Variants in MAF observed in about 807,000 individuals in gnomAD.
MAF encodes MAF bZIP transcription factor.
Under a neutral mutation model 22.0 loss-of-function variants are expected in MAF, and 10 were observed. The observed-to-expected ratio is 0.45, with a 90% CI of 0.28 to 0.77. The LOEUF is 0.77. MAF is among the 30% of genes least tolerant of loss of function. The pLI is 0.12. For missense variants in MAF, 544 were observed against 548.4 expected (o/e 0.99, Z 0.08); for synonymous variants, 337 against 255.8 (o/e 1.32, Z -3.03).
At chr16:79,263,090 T>C in the MAF span, among the ~76,000 whole-genome samples, 2 of 152,158 alleles carry the variant, frequency 1.3e-5, no homozygotes, top group Non-Finnish European at 2.9e-5. Flanking sequence ...TCATCAACAC[T>C]CTTTTACCAA....
chr16:79,302,058 G>A, the MAF span, among the ~76,000 whole-genome samples: 5 of 152,092 alleles, frequency 3.3e-5, no homozygotes, highest in African/African-American at 1.2e-4. Context: ...TTCCGCGGAG[G>A]GCCTGACTCT....
chr16:79,543,234 C>A, the MAF span, among the ~76,000 whole-genome samples: 1 of 152,218 alleles, frequency 6.6e-6, no homozygotes, highest in African/African-American at 2.4e-5. Context: ...CTAGCTGGGT[C>A]TGTCCATATG....
chr16:79,396,656 G>A, the MAF span, among the ~76,000 whole-genome samples: 2 of 152,146 alleles, frequency 1.3e-5, no homozygotes, highest in East Asian at 3.9e-4. Flanking sequence ...CCTTCATAAG[G>A]GGCAGAAGAA....
At chr16:79,550,063 T>A in the MAF span, among the ~76,000 whole-genome samples, 13 of 152,226 alleles carry the variant, frequency 8.5e-5, no homozygotes, top group South Asian at 1.0e-3. Flanking sequence ...TTCCAGCCAC[T>A]CTAGCTTTTC....
chr16:79,355,268 G>A, the MAF span, among the ~76,000 whole-genome samples: 3 of 152,292 alleles, frequency 2.0e-5, no homozygotes, highest in South Asian at 4.1e-4. Flanking sequence ...CTTATCTATG[G>A]CTGAACTTGA....
the MAF span, among the ~76,000 whole-genome samples, chr16:79,539,542 GT>G: frequency 6.6e-6 from 1 of 151,862 alleles, no homozygotes; most frequent in Non-Finnish European, 1.5e-5. Flanking sequence ...AGAAAAGAAA[GT>G]TTTAAAATTA....
At chr16:79,247,281 G>A in the MAF span, among the ~76,000 whole-genome samples, 487 of 152,298 alleles carry the variant, frequency 3.2e-3, 7 homozygotes, top group Admixed American at 0.024. Flanking sequence ...AGAAGAAAAG[G>A]CATCTTGAAA....
At chr16:79,427,719 G>A in the MAF span, among the ~76,000 whole-genome samples, 2 of 151,986 alleles carry the variant, frequency 1.3e-5, no homozygotes, top group African/African-American at 4.8e-5. Flanking sequence ...GCCCTGTACT[G>A]GCCCAGTATT....
the MAF span, among the ~76,000 whole-genome samples, chr16:79,419,905 T>C: frequency 7.1e-6 from 1 of 140,548 alleles, no homozygotes; most frequent in Non-Finnish European, 1.5e-5. Flanking sequence ...GCATTTTAAA[T>C]CTCCCGGAAA....
chr16:79,482,736 G>A, the MAF span, among the ~76,000 whole-genome samples: 1 of 152,008 alleles, frequency 6.6e-6, no homozygotes, highest in African/African-American at 2.4e-5. Flanking sequence ...GCTGAGCAGG[G>A]CTGCCTCTAA....
chr16:79,320,536 C>A, the MAF span, among the ~76,000 whole-genome samples: 4 of 152,162 alleles, frequency 2.6e-5, no homozygotes, highest in African/African-American at 9.7e-5. Context: ...TGGTACTCCC[C>A]CAATCTACCT....
the MAF span, among the ~76,000 whole-genome samples, chr16:79,348,846 G>A: frequency 6.6e-6 from 1 of 152,234 alleles, no homozygotes; most frequent in South Asian, 2.1e-4. Flanking sequence ...ATCCATTCTC[G>A]AGGGGCTAAA....
the MAF span, among the ~76,000 whole-genome samples, chr16:79,257,735 C>T: frequency 6.6e-6 from 1 of 152,090 alleles, no homozygotes; most frequent in Non-Finnish European, 1.5e-5. Context: ...AATCTGGCAC[C>T]ATGTATGCGT....
chr16:79,531,518 G>C, the MAF span, among the ~76,000 whole-genome samples: 2 of 152,042 alleles, frequency 1.3e-5, no homozygotes, highest in East Asian at 3.9e-4. Flanking sequence ...CAGTGGGAGA[G>C]CTAAGCTTGT....
chr16:79,386,707 A>G, the MAF span, among the ~76,000 whole-genome samples: 3 of 152,182 alleles, frequency 2.0e-5, no homozygotes, highest in Non-Finnish European at 4.4e-5. Context: ...AGGAAACAAA[A>G]TGGTGAGCAG....
the MAF span, among the ~76,000 whole-genome samples, chr16:79,573,943 CCGTT>C: frequency 5.9e-5 from 9 of 152,286 alleles, no homozygotes; most frequent in South Asian, 8.3e-4. Context: ...CTCTTATCTC[CCGTT>C]CGTTTGCCTG....
chr16:79,223,245 C>T, the MAF span, among the ~76,000 whole-genome samples: 2 of 152,166 alleles, frequency 1.3e-5, no homozygotes, highest in Non-Finnish European at 2.9e-5. Context: ...GGAACCTGAA[C>T]AACCTGCTCC....
chr16:79,377,525 C>A, the MAF span, among the ~76,000 whole-genome samples: 152 of 152,248 alleles, frequency 1.0e-3, 3 homozygotes, highest in East Asian at 0.024. Context: ...GGAGCTCTTT[C>A]GTTTAATTAG....
At chr16:79,511,578 G>C in the MAF span, among the ~76,000 whole-genome samples, 1 of 152,208 alleles carries the variant, frequency 6.6e-6, no homozygotes, top group Non-Finnish European at 1.5e-5. Context: ...TGTGTGCGGT[G>C]TTACATGCAC....
Sources: allele counts gnomAD v4.1 joint callset (sites outside exome capture counted in the v4.1 genomes callset), GRCh38; gene constraint gnomAD v4.1.1; transcripts MANE v1.5; gene names NCBI Gene and HGNC (gene_info 2026-07-23, HGNC 2026-07-21).